Variants in UBIAD1 observed in about 807,000 individuals in gnomAD.
UBIAD1 encodes UbiA prenyltransferase domain containing 1.
UBIAD1 carries 12 observed loss-of-function variants against 20.1 expected under a neutral mutation model. The ratio of observed to expected loss-of-function variants is 0.60; its 90% confidence interval spans 0.38 to 0.97. The LOEUF (loss-of-function observed/expected upper bound fraction) is 0.97. Ranked by LOEUF, UBIAD1 falls within the 50% of genes least tolerant of loss-of-function variation. UBIAD1 has a pLI of 0.00. For missense variants in UBIAD1, 333 were observed against 419.5 expected (o/e 0.79, Z 1.80); for synonymous variants, 207 against 189.2 (o/e 1.09, Z -0.77).
chr1:11,293,876 A>C (rs753322010), intron 1 of UBIAD1, among the ~76,000 whole-genome samples: 5 of 152,104 alleles, frequency 3.3e-5, no homozygotes, highest in Non-Finnish European at 7.3e-5. Context: ...GGATTTCACC[A>C]TGTTGGCCAG....
Position 11,273,250 on chromosome 1 carries a change from C to T in UBIAD1, c.-282C>T, listed in dbSNP as rs989958302. ...CGCACAAGATGGCGGCTCTGGCGGC[C>T]TAAAGAAGGCGGCCGCGGCTCAGCC... On this transcript the variant is annotated 5_prime_UTR_variant, in exon 1 of 2. Coordinates refer to ENST00000376810, the MANE Select transcript of UBIAD1 (RefSeq NM_013319.3). The surrounding 1 kb of genome is among the most constrained non-coding windows in gnomAD (Gnocchi z 4.9). 3 of 464,144 alleles carry T rather than the reference C, an allele frequency of 6.5e-6. No homozygotes were observed. The highest frequency in any genetic ancestry group is 2.0e-5 in the African/African-American group (1 of 49,662). 28.8% of individuals were successfully genotyped at this position (464,144 alleles called of 1,614,324 possible).
rs551331322 is a variant in UBIAD1 at position 11,286,146 on chromosome 1, C to G, written c.*15C>G. 1 of 1,614,020 alleles carries G rather than the reference C, an allele frequency of 6.2e-7. No individual in the cohort carries two copies. The highest frequency in any genetic ancestry group is 1.1e-5 in the South Asian group (1 of 91,074). ...CCAAAATTTAAGGGGACAAGTAGCT[C>G]CCCCCACGACATGTCTCCCTTTCTT... On this transcript the variant is annotated 3_prime_UTR_variant, in exon 2 of 2. Transcript: ENST00000376810.
intron 1 of UBIAD1, chr1:11,278,897 C>T (rs1007481638): frequency 2.0e-5 from 6 of 293,810 alleles, no homozygotes; most frequent in South Asian, 8.2e-5. Flanking sequence ...CAGAGGCTCG[C>T]GCTGTGGCCC....
chr1:11,284,431 T>C (rs915639582), intron 1 of UBIAD1, among the ~76,000 whole-genome samples: 6 of 152,048 alleles, frequency 3.9e-5, no homozygotes, highest in African/African-American at 1.4e-4. Context: ...TAAGTGTATG[T>C]TGGGGGAGGG....
Position 11,288,419 on chromosome 1 carries a change from A to G in UBIAD1, c.*2288A>G, listed in dbSNP as rs955550411. ...TTTAGACTTCTTAATTAAAAAGAGA[A>G]GAAAGAAAATGTTCACCAATGGTCT... On this transcript the variant is annotated 3_prime_UTR_variant, in exon 2 of 2. Transcript: ENST00000376810. 2.0e-5 allele frequency: 3 copies of G among 152,230 alleles called. No individual in the cohort carries two copies. Among genetic ancestry groups the G allele is most frequent in the African/African-American group, 4.8e-5 (2 of 41,462 alleles). 9.4% of individuals were successfully genotyped at this position (152,230 alleles called of 1,614,324 possible). A position where few individuals can be genotyped will look rare whatever the true frequency, so the allele number is the denominator to read the frequency against.
Position 11,273,949 on chromosome 1 carries a change from A to C in UBIAD1, c.418A>C (p.Thr140Pro). The C allele has an allele frequency of 6.2e-7, 1 of 1,614,132 alleles. No individual in the cohort carries two copies. ...DVVRFGVFLY[T>P]LGCVCAACLY... is the part of the protein sequence containing the mutation. ...CGTCCGGTTCGGAGTCTTCCTCTAC[A>C]CGTTGGGCTGCGTCTGTGCCGCTTG... Residue 140 changes from threonine to proline, a missense_variant, in exon 1 of 2, where the codon ACG becomes CCG. Around this residue, in one of 3 missense-constraint regions of UBIAD1, gnomAD observed 226 missense variants for 263.5 expected, o/e 0.86. Transcript: ENST00000376810. This position sits in a 1 kb window ranked among gnomAD's most constrained non-coding sequence, Gnocchi z 4.9.
chr1:11,280,624 A>C (rs1349610766), intron 1 of UBIAD1, among the ~76,000 whole-genome samples: 1 of 152,102 alleles, frequency 6.6e-6, no homozygotes, highest in African/African-American at 2.4e-5. Flanking sequence ...GCTTCATCCT[A>C]GTTCTTCAGG....
downstream of UBIAD1, among the ~76,000 whole-genome samples, chr1:11,291,705 T>C (rs1337061352): frequency 6.6e-6 from 1 of 152,026 alleles, no homozygotes; most frequent in African/African-American, 2.4e-5. Flanking sequence ...GTGTTTGCAT[T>C]GGTAACGGCT....
intron 1 of UBIAD1, 25 bp downstream of exon 1, chr1:11,274,085 C>T (rs772808659): frequency 5.6e-6 from 9 of 1,613,556 alleles, no homozygotes; most frequent in Non-Finnish European, 7.6e-6. Context: ...GTCCTGTGTG[C>T]TGCAGGTCTT....
chr1:11,289,724 T>G (rs1025573901), downstream of UBIAD1, among the ~76,000 whole-genome samples: 1 of 151,672 alleles, frequency 6.6e-6, no homozygotes. Context: ...CCACCACACC[T>G]AGCTAATTTT....
intron 1 of UBIAD1, chr1:11,294,787 A>G (rs1370167086): frequency 4.2e-6 from 3 of 717,164 alleles, no homozygotes; most frequent in Admixed American, 2.0e-5. Flanking sequence ...CCTACCCACG[A>G]TGATGGAGGC....
downstream of UBIAD1, chr1:11,295,269 TTC>T (rs1638428952): frequency 3.8e-6 from 1 of 266,596 alleles, no homozygotes; most frequent in Non-Finnish European, 7.3e-6. Flanking sequence ...GAGGTGACTG[TTC>T]CATGGAAACC....
chr1:11,278,491 A>G, intron 1 of UBIAD1: 1 of 438,916 alleles, frequency 2.3e-6, no homozygotes, highest in Non-Finnish European at 3.8e-6. Flanking sequence ...TGTCCAGGTC[A>G]TGTTTACCAG....
intron 1 of UBIAD1, among the ~76,000 whole-genome samples, chr1:11,281,116 T>G (rs1213232105): frequency 2.6e-5 from 4 of 152,122 alleles, no homozygotes; most frequent in Admixed American, 2.6e-4. Context: ...CCTTTGTAGA[T>G]GCAGCTTCCT....
At chr1:11,289,644 C>T (rs1333458195), downstream of UBIAD1, among the ~76,000 whole-genome samples, 3 of 152,050 alleles carry the variant, frequency 2.0e-5, no homozygotes, top group African/African-American at 7.2e-5. Context: ...CTCACTGCAA[C>T]CTCTGCCTCC....
At chr1:11,289,762 A>ACT (rs1241334392), downstream of UBIAD1, among the ~76,000 whole-genome samples, 1 of 140,146 alleles carries the variant, frequency 7.1e-6, no homozygotes, top group African/African-American at 2.7e-5. Flanking sequence ...TATATATCTC[A>ACT]CTCTGTCGCA....
chr1:11,275,921 G>A (rs1652006902), intron 1 of UBIAD1, among the ~76,000 whole-genome samples: 1 of 152,180 alleles, frequency 6.6e-6, no homozygotes, highest in Admixed American at 6.5e-5. Flanking sequence ...GTGAATGAAG[G>A]AGAGAGTAAA....
chr1:11,298,433 T>C (rs1162457847), downstream of UBIAD1, among the ~76,000 whole-genome samples: 2 of 151,974 alleles, frequency 1.3e-5, no homozygotes, highest in African/African-American at 4.8e-5. The surrounding 1 kb of genome is among the most constrained non-coding windows in gnomAD (Gnocchi z 4.0). Flanking sequence ...CCGGGCATGG[T>C]GGCACATATT....
Position 11,273,454 on chromosome 1 carries a change from G to C in UBIAD1, c.-78G>C, listed in dbSNP as rs533754690. On this transcript the variant is annotated 5_prime_UTR_variant, in exon 1 of 2. Coordinates refer to ENST00000376810, the MANE Select transcript of UBIAD1 (RefSeq NM_013319.3). The surrounding 1 kb of genome is among the most constrained non-coding windows in gnomAD (Gnocchi z 4.9). Reference sequence around the variant, plus strand: ...AAGGAAGGTCGGGCCCTGCTGCCCCGCCCCGTCCTTCCTCCTTCCCGGGCG... The same window carrying C: ...AAGGAAGGTCGGGCCCTGCTGCCCCCCCCCGTCCTTCCTCCTTCCCGGGCG... The C allele has an allele frequency of 5.1e-5, 81 of 1,579,920 alleles. No homozygotes were observed. In the East Asian group the frequency reaches 1.8e-3, roughly 35 times the overall value.
Sources: gnomAD v4.1 joint callset for allele counts (sites outside exome capture counted in the v4.1 genomes callset) on GRCh38, gnomAD v4.1.1 for gene constraint, gnomAD v4.1.1 regional missense constraint, Gnocchi (gnomAD v3.1) non-coding constraint, MANE v1.5 for transcripts, NCBI Gene and HGNC (gene_info 2026-07-23, HGNC 2026-07-21) for gene names.